The following HIPK1 variants were observed in gnomAD, a reference collection of about 807,000 sequenced individuals.
The protein encoded by HIPK1 is homeodomain-interacting protein kinase 1.
In HIPK1, 28 loss-of-function variants were observed where a neutral mutation model predicts 117.1. That is an observed-to-expected ratio of 0.24 (90% CI 0.18 to 0.33). The LOEUF (loss-of-function observed/expected upper bound fraction) is 0.33, where lower values mean the gene tolerates loss of function less well. Among genes scored for constraint, HIPK1 ranks in the 10% least tolerant of loss-of-function variants. The pLI, the probability that HIPK1 is intolerant of heterozygous loss-of-function variation, is 1.00. For synonymous variants in HIPK1, 605 were observed against 562.5 expected (o/e 1.08, Z -1.07); for missense variants, 1,122 against 1,475.1 (o/e 0.76, Z 3.92).
chr1:113,929,902 C>T, intron 1 of HIPK1: 1 of 986,504 alleles, frequency 1.0e-6, no homozygotes, highest in Non-Finnish European at 1.2e-6. Context: ...CTCCTCACGG[C>T]AGCCCCAGCT....
chr1:113,940,567 G>T lies in HIPK1; in HGVS notation c.184G>T (p.Val62Leu). 2 of 1,614,118 alleles carry T rather than the reference G, an allele frequency of 1.2e-6. No homozygotes were observed. Among genetic ancestry groups the T allele is most frequent in the Non-Finnish European group, 1.7e-6 (2 of 1,180,030 alleles). ...AGGGCAAGCCAACTCCTCTCACCAGGTAGCAAATTTCAACATCCCTGCTTA... is the reference window on the plus strand; with the variant it reads ...AGGGCAAGCCAACTCCTCTCACCAGTTAGCAAATTTCAACATCCCTGCTTA... ...TQGQANSSHQ[V>L]ANFNIPAYDQ... The change falls in exon 2 of 16, where the codon GTA becomes TTA. Residue 62 changes from valine to leucine, a missense_variant. Transcript: ENST00000426820.
At chr1:113,948,751 A>G (rs528221490) in intron 2 of HIPK1, among the ~76,000 whole-genome samples, 1 of 151,882 alleles carries the variant, frequency 6.6e-6, no homozygotes, top group South Asian at 2.1e-4. Context: ...TTTTTAATTA[A>G]ATGGGACTTG....
At chr1:113,962,592 C>G (rs547401810) in intron 9 of HIPK1, among the ~76,000 whole-genome samples, 154 bp downstream of exon 9, 1 of 152,328 alleles carries the variant, frequency 6.6e-6, no homozygotes, top group South Asian at 2.1e-4. Flanking sequence ...GAACAATATA[C>G]TAATTCCTAA....
intron 9 of HIPK1, 108 bp downstream of exon 9, chr1:113,962,546 C>T (rs547967242): frequency 8.9e-7 from 1 of 1,126,324 alleles, no homozygotes; most frequent in East Asian, 2.7e-5. Flanking sequence ...CTTTCTTGGT[C>T]ATGATTCAGT....
intron 2 of HIPK1, among the ~76,000 whole-genome samples, chr1:113,951,664 A>G (rs1671368982): frequency 6.6e-6 from 1 of 152,342 alleles, no homozygotes; most frequent in South Asian, 2.1e-4. Context: ...ACCATGTGCC[A>G]TGCACTGGTC....
intron 2 of HIPK1, among the ~76,000 whole-genome samples, chr1:113,947,677 AAAG>A (rs1446918676): frequency 6.6e-6 from 1 of 152,358 alleles, no homozygotes; most frequent in East Asian, 1.9e-4. Context: ...TTTTCAACTT[AAAG>A]AAGTTTGAAG....
chr1:113,975,468 A>G lies in HIPK1; in HGVS notation c.*1956A>G, dbSNP rs925496500. On this transcript the variant is annotated 3_prime_UTR_variant, in exon 16 of 16. Coordinates refer to ENST00000426820, the MANE Select transcript of HIPK1 (RefSeq NM_198268.3). ...GAAGCAGGTGAGAGGAGTCAAGCCA[A>G]TATTAAATATGCATTCTTTTAAAGT... 1 of 152,782 alleles carries G rather than the reference A, an allele frequency of 6.5e-6. No individual in the cohort carries two copies. Among genetic ancestry groups the G allele is most frequent in the African/African-American group, 2.4e-5 (1 of 41,454 alleles). 9.5% of individuals were successfully genotyped at this position (152,782 alleles called of 1,614,324 possible). A position where few individuals can be genotyped will look rare whatever the true frequency, so the allele number is the denominator to read the frequency against.
At chr1:113,943,474 A>T (rs112010855) in intron 2 of HIPK1, among the ~76,000 whole-genome samples, 2 of 152,128 alleles carry the variant, frequency 1.3e-5, no homozygotes, top group Admixed American at 1.3e-4. Context: ...CATTCCTTTT[A>T]TGGCTGTATA....
At chr1:113,940,333 C>T in intron 1 of HIPK1, 49 bp from the exon 2 acceptor site, 1 of 1,467,262 alleles carries the variant, frequency 6.8e-7, no homozygotes, top group Non-Finnish European at 9.2e-7. Flanking sequence ...AAATCTAAGC[C>T]TTGTATCTTT....
chr1:113,929,468 A>C lies in HIPK1; in HGVS notation c.-67A>C. ...AGGCCCACCTACTCGAGGCCCACCG[A>C]CTCCTACTGCAATCAGTACTATGCG... is the stretch of plus-strand genomic sequence containing the variant. On this transcript the variant is annotated 5_prime_UTR_variant, in exon 1 of 16. Transcript: ENST00000426820. 1 of 1,289,028 alleles carries C rather than the reference A, an allele frequency of 7.8e-7. No homozygotes were observed. Among genetic ancestry groups the C allele is most frequent in the South Asian group, 1.2e-5 (1 of 81,024 alleles). The allele number at this position is 1,289,028 out of a possible 1,614,324, so 79.8% of individuals were successfully genotyped here.
At chr1:113,938,909 CAAAA>C (rs55998621) in intron 1 of HIPK1, among the ~76,000 whole-genome samples, 3 of 25,354 alleles carry the variant, frequency 1.2e-4, no homozygotes, top group South Asian at 1.1e-3. Context: ...GACTCTGTCT[CAAAA>C]AAAAAAAAAA....
intron 14 of HIPK1, among the ~76,000 whole-genome samples, chr1:113,971,534 G>T (rs547021547): frequency 1.3e-5 from 2 of 152,304 alleles, no homozygotes; most frequent in South Asian, 4.1e-4. Flanking sequence ...TGGAGAGAGG[G>T]ATGGTGTCTT....
At chr1:113,945,357 A>T (rs1670922886) in intron 2 of HIPK1, among the ~76,000 whole-genome samples, 1 of 152,292 alleles carries the variant, frequency 6.6e-6, no homozygotes, top group Non-Finnish European at 1.5e-5. Context: ...CAGTTTGTCT[A>T]CTTTTTCTTT....
intron 10 of HIPK1, among the ~76,000 whole-genome samples, chr1:113,965,526 T>G (rs1411382127): frequency 6.6e-6 from 1 of 152,232 alleles, no homozygotes; most frequent in African/African-American, 2.4e-5. Context: ...TTGCCTTATT[T>G]TGAAATTCCA....
At position 113,940,401 on chromosome 1, in the gene HIPK1, A is replaced by G; in HGVS notation, c.18A>G (p.Gln6=). The stretch of plus-strand genomic sequence containing the variant: ...ATATAGGTATGGCATCACAGCTGCA[A>G]GTGTTTTCGCCCCCATCAGTGTCGT... MASQL[Q]VFSPPSVSSS... Residue 6 remains glutamine, a synonymous_variant, in exon 2 of 16, where the codon CAA becomes CAG. Coordinates refer to ENST00000426820, the MANE Select transcript of HIPK1 (RefSeq NM_198268.3). The G allele has an allele frequency of 6.2e-7, 1 of 1,606,318 alleles. No individual in the cohort carries two copies. The highest frequency in any genetic ancestry group is 8.5e-7 in the Non-Finnish European group (1 of 1,175,672).
chr1:113,944,473 T>G (rs1268913531), intron 2 of HIPK1, among the ~76,000 whole-genome samples: 1 of 149,018 alleles, frequency 6.7e-6, no homozygotes, highest in East Asian at 2.0e-4. Flanking sequence ...CAATAATAGT[T>G]TTTTTTTGTT....
intron 10 of HIPK1, among the ~76,000 whole-genome samples, chr1:113,965,878 G>T (rs184221700): frequency 3.3e-5 from 5 of 152,142 alleles, no homozygotes; most frequent in African/African-American, 7.2e-5. Flanking sequence ...GCTCTTAACC[G>T]CAGGGATCTT....
At chr1:113,957,966 A>G in intron 7 of HIPK1, 100 bp from the exon 8 acceptor site, 1 of 899,042 alleles carries the variant, frequency 1.1e-6, no homozygotes. Context: ...TTACATTTTA[A>G]AACATTATTC....
intron 1 of HIPK1, among the ~76,000 whole-genome samples, chr1:113,937,503 A>G (rs1194363205): frequency 6.6e-6 from 1 of 152,176 alleles, no homozygotes. Flanking sequence ...TGAAAATACT[A>G]CAGTTGAATG....
Sources: gnomAD v4.1 joint callset for allele counts (sites outside exome capture counted in the v4.1 genomes callset) on GRCh38, gnomAD v4.1.1 for gene constraint, MANE v1.5 for transcripts, NCBI Gene and HGNC (gene_info 2026-07-23, HGNC 2026-07-21) for gene names.